Variants in GIGYF2 observed in about 807,000 individuals in gnomAD.
The protein encoded by GIGYF2 is GRB10 interacting GYF protein 2, also known as GRB10-interacting GYF protein 2.
A neutral mutation model predicts 208.1 loss-of-function variants in GIGYF2; 25 were observed. That is an observed-to-expected ratio of 0.12 (90% CI 0.09 to 0.17). GIGYF2 has a LOEUF of 0.17. Among genes scored for constraint, GIGYF2 ranks in the 10% least tolerant of loss-of-function variants. The probability of loss-of-function intolerance (pLI) is 1.00; values close to 1 mark genes in which losing one functional copy is unlikely to be tolerated. For synonymous variants in GIGYF2, 534 were observed against 543.8 expected (o/e 0.98, Z 0.25); for missense variants, 1,302 against 1,579.4 (o/e 0.82, Z 2.98).
chr2:232,845,903 GA>G lies in GIGYF2; in HGVS notation c.3460+20del. 6.6e-7 allele frequency: 1 copy of G among 1,526,636 alleles called. No individual in the cohort carries two copies. Among genetic ancestry groups the G allele is most frequent in the Non-Finnish European group, 9.1e-7 (1 of 1,101,186 alleles). 94.6% of individuals were successfully genotyped at this position (1,526,636 alleles called of 1,614,324 possible). On this transcript the variant is annotated intron_variant, in intron 26 of 28. Transcript: ENST00000373563. ...ACTTGGATGGTAAGAATTGGGGAGGGAAACCCGGCATGTGGAATGACAGAGC... is the reference window on the plus strand; with the variant it reads ...ACTTGGATGGTAAGAATTGGGGAGGGAACCCGGCATGTGGAATGACAGAGC...
rs1382005649 is a variant in GIGYF2 at position 232,857,658 on chromosome 2, T to A, written c.*798T>A. On this transcript the variant is annotated 3_prime_UTR_variant, in exon 29 of 29. Transcript: ENST00000373563. ...ATTTTTCTTTCTTACAAAAACTGAT[T>A]TTTCCCATAAATATTTTTACTTCAG... 6.6e-6 allele frequency: 1 copy of A among 152,668 alleles called. No individual in the cohort carries two copies. The highest frequency in any genetic ancestry group is 2.4e-5 in the African/African-American group (1 of 41,456). The allele number at this position is 152,668 out of a possible 1,614,324, so 9.5% of individuals were successfully genotyped here.
intron 6 of GIGYF2, 123 bp downstream of exon 6, chr2:232,756,457 T>A: frequency 1.7e-6 from 1 of 575,188 alleles, no homozygotes; most frequent in East Asian, 2.9e-5. Context: ...GCATACTAAA[T>A]GTCCTGAATA....
intron 8 of GIGYF2, among the ~76,000 whole-genome samples, chr2:232,781,331 AGATAAT>A (rs1169033818): frequency 8.1e-6 from 1 of 124,108 alleles, no homozygotes; most frequent in Non-Finnish European, 1.8e-5. Context: ...CAACTTATAA[AGATAAT>A]GGTCTCCTTG....
chr2:232,791,662 G>A (rs930907924), intron 12 of GIGYF2, among the ~76,000 whole-genome samples: 52 of 152,308 alleles, frequency 3.4e-4, no homozygotes, highest in Middle Eastern at 3.4e-3. Flanking sequence ...CAAGGGTGGA[G>A]CTCTGGAATC....
chr2:232,782,671 G>A (rs1326592635), intron 8 of GIGYF2: 1 of 152,314 alleles, frequency 6.6e-6, no homozygotes, highest in South Asian at 2.1e-4. Flanking sequence ...TCCTGTGCTT[G>A]CTTCGGCAGC....
At chr2:232,809,855 G>T in intron 16 of GIGYF2, 44 bp downstream of exon 16, 2 of 1,069,978 alleles carry the variant, frequency 1.9e-6, no homozygotes, top group South Asian at 2.5e-5. Flanking sequence ...CATGAAAAAG[G>T]ACTTTAAATA....
intron 21 of GIGYF2, among the ~76,000 whole-genome samples, chr2:232,828,112 C>T (rs970139959): frequency 5.3e-5 from 8 of 152,072 alleles, no homozygotes; most frequent in African/African-American, 1.9e-4. Context: ...ACCTCAGTCT[C>T]CTGAGTAGGT....
intron 28 of GIGYF2, among the ~76,000 whole-genome samples, chr2:232,854,190 C>A (rs1421670361): frequency 2.0e-5 from 3 of 152,128 alleles, no homozygotes; most frequent in Non-Finnish European, 4.4e-5. Context: ...TTAACTGTTA[C>A]TTTAAAAACA....
At chr2:232,814,365 A>G (rs1005615524) in intron 18 of GIGYF2, among the ~76,000 whole-genome samples, 4 of 151,982 alleles carry the variant, frequency 2.6e-5, no homozygotes, top group African/African-American at 9.7e-5. Context: ...GTTCGAGACC[A>G]GCCTGGCCAA....
At chr2:232,782,440 C>G (rs1292923398) in intron 8 of GIGYF2, among the ~76,000 whole-genome samples, 4 of 152,134 alleles carry the variant, frequency 2.6e-5, no homozygotes, top group African/African-American at 9.7e-5. Context: ...AGTTTTGATG[C>G]TAAGTATATA....
chr2:232,851,488 C>T (rs1690330727), intron 28 of GIGYF2, among the ~76,000 whole-genome samples: 1 of 151,708 alleles, frequency 6.6e-6, no homozygotes, highest in South Asian at 2.1e-4. Context: ...GGCGTGATCT[C>T]AGCTCACTGC....
In GIGYF2 at chr2:232,707,668, C is replaced by T. The variant is rs118099005; in HGVS notation, c.-44+4179C>T. Reference sequence around the variant, plus strand: ...TTTTTTTTTTTTTGAGACAGAGTTTCGCTCTTTCATCCAGGCTGGAGTGAA... The same window carrying T: ...TTTTTTTTTTTTTGAGACAGAGTTTTGCTCTTTCATCCAGGCTGGAGTGAA... On this transcript the variant is annotated intron_variant, in intron 2 of 28. Coordinates refer to ENST00000373563, the MANE Select transcript of GIGYF2 (RefSeq NM_001103146.3). Among the ~76,000 whole-genome samples the T allele has an allele frequency of 8.0e-3, 1,089 of 136,146 alleles. 44 individuals are homozygous for T. The highest frequency in any genetic ancestry group is 0.054 in the Admixed American group (701 of 12,948). 89.3% of individuals were successfully genotyped at this position (136,146 alleles called of 152,430 possible).
At chr2:232,768,498 T>C (rs2106334934) in intron 8 of GIGYF2, 1 of 1,614,214 alleles carries the variant, frequency 6.2e-7, no homozygotes, top group South Asian at 1.1e-5. Context: ...AGGATTTTCA[T>C]GCTGGAGCAG....
At chr2:232,776,596 ATGT>A in intron 8 of GIGYF2, 1 of 697,472 alleles carries the variant, frequency 1.4e-6, no homozygotes, top group Non-Finnish European at 2.6e-6. Flanking sequence ...TCTGTTTATA[ATGT>A]TGTGGGGGCT....
At chr2:232,770,970 A>C in intron 8 of GIGYF2, 1 of 1,614,048 alleles carries the variant, frequency 6.2e-7, no homozygotes, top group Non-Finnish European at 8.5e-7. Context: ...TTGCACTTGG[A>C]CAGTCACCAC....
chr2:232,750,395 C>T (rs1158807011), intron 5 of GIGYF2, among the ~76,000 whole-genome samples: 1 of 152,160 alleles, frequency 6.6e-6, no homozygotes, highest in Non-Finnish European at 1.5e-5. Context: ...TAATCCTTTC[C>T]ATGCCAGCTG....
chr2:232,820,545 A>C lies in GIGYF2; in HGVS notation c.2529+560A>C, dbSNP rs191880612. 3.0e-3 allele frequency among the ~76,000 whole-genome samples: 456 copies of C among 151,660 alleles called. 3 individuals carry two copies. The highest frequency in any genetic ancestry group is 2.2e-3 in the Non-Finnish European group (151 of 67,918). Reference sequence around the variant, plus strand: ...TAGCCAGGGTGGTCTCAATCTCCTGACCTCATGATCCACCCGCCTCGGCCT... The same window carrying C: ...TAGCCAGGGTGGTCTCAATCTCCTGCCCTCATGATCCACCCGCCTCGGCCT... On this transcript the variant is annotated intron_variant, in intron 21 of 28. Transcript: ENST00000373563.
intron 4 of GIGYF2, 75 bp downstream of exon 4, chr2:232,747,819 A>G (rs1698200763): frequency 2.9e-6 from 4 of 1,373,578 alleles, no homozygotes; most frequent in Non-Finnish European, 2.1e-6. Flanking sequence ...TGATACATGA[A>G]AACTGATTTA....
At chr2:232,797,525 G>GTGTGTT (rs780771086) in intron 14 of GIGYF2, among the ~76,000 whole-genome samples, 3 of 150,426 alleles carry the variant, frequency 2.0e-5, no homozygotes, top group Non-Finnish European at 4.4e-5. Flanking sequence ...GTGTGTGTGT[G>GTGTGTT]TTTTAACCAA....
Sources: gnomAD v4.1 joint callset for allele counts (sites outside exome capture counted in the v4.1 genomes callset) on GRCh38, gnomAD v4.1.1 for gene constraint, MANE v1.5 for transcripts, NCBI Gene and HGNC (gene_info 2026-07-23, HGNC 2026-07-21) for gene names.